PITPNC1: variants seen among roughly 807,000 people sequenced by gnomAD.
PITPNC1 encodes the protein phosphatidylinositol transfer protein cytoplasmic 1.
In PITPNC1, 18 loss-of-function variants were observed where a neutral mutation model predicts 44.7. The ratio of observed to expected loss-of-function variants is 0.40; its 90% CI spans 0.28 to 0.60. The LOEUF (loss-of-function observed/expected upper bound fraction) is 0.60, where lower values mean the gene tolerates loss of function less well. Among genes scored for constraint, PITPNC1 ranks in the 20% least tolerant of loss-of-function variants. PITPNC1 has a pLI of 0.39. For missense variants in PITPNC1, 290 were observed against 418.4 expected, an observed-to-expected ratio of 0.69 and a Z score of 2.68; for synonymous variants, 141 against 149.6, an observed-to-expected ratio of 0.94 and a Z score of 0.42.
At chr17:67,573,132 G>C (rs114318247) in intron 4 of PITPNC1, among the ~76,000 whole-genome samples, 2,111 of 152,338 alleles carry the variant, frequency 0.014, 44 homozygotes, top group African/African-American at 0.047. Context: ...CAGTCAGGGA[G>C]AACATTCGCG....
At chr17:67,395,406 C>T (rs1262411237) in intron 1 of PITPNC1, among the ~76,000 whole-genome samples, 1 of 152,096 alleles carries the variant, frequency 6.6e-6, no homozygotes, top group African/African-American at 2.4e-5. Flanking sequence ...GTCTTGGCCT[C>T]CCAAAATGCT....
intron 1 of PITPNC1, among the ~76,000 whole-genome samples, chr17:67,447,967 A>G (rs1435666135): frequency 7.0e-6 from 1 of 142,676 alleles, no homozygotes; most frequent in East Asian, 2.1e-4. Flanking sequence ...TTTCTTTCAG[A>G]TGGGGTCTTG....
chr17:67,640,093 C>G (rs962685256), intron 6 of PITPNC1, among the ~76,000 whole-genome samples: 4 of 151,280 alleles, frequency 2.6e-5, no homozygotes, highest in Non-Finnish European at 5.9e-5. Flanking sequence ...TTTTTTTTCC[C>G]GTTTCCCTCA....
intron 6 of PITPNC1, among the ~76,000 whole-genome samples, chr17:67,665,315 A>T (rs1598956289): frequency 6.6e-6 from 1 of 151,530 alleles, no homozygotes; most frequent in African/African-American, 2.4e-5. Flanking sequence ...CTGGTCTTAA[A>T]CTCCTGGACT....
rs137895912 is a variant in PITPNC1 at position 67,478,314 on chromosome 17, G to A, written c.49-54488G>A. ...GTCTTTTGAAAAGAGATCTTTTTTA[G>A]TTCATTTCTTAAAATCCAGTGCTAT... On this transcript the variant is annotated intron_variant, in intron 1 of 8. Coordinates refer to ENST00000581322, the MANE Select transcript of PITPNC1 (RefSeq NM_012417.4). 2.8e-3 allele frequency among the ~76,000 whole-genome samples: 433 copies of A among 152,170 alleles called. 2 individuals carry two copies. The highest frequency in any genetic ancestry group is 9.9e-3 in the African/African-American group (412 of 41,526).
chr17:67,636,116 G>A (rs982510817), intron 6 of PITPNC1, among the ~76,000 whole-genome samples: 2 of 152,002 alleles, frequency 1.3e-5, no homozygotes, highest in Admixed American at 1.3e-4. Flanking sequence ...GGCCAACATG[G>A]TGAAACCTCG....
At chr17:67,602,333 T>C (rs1444032389) in intron 5 of PITPNC1, among the ~76,000 whole-genome samples, 2 of 151,634 alleles carry the variant, frequency 1.3e-5, no homozygotes, top group Admixed American at 6.6e-5. Context: ...AGAATACAGG[T>C]TGGGGTTGGA....
intron 1 of PITPNC1, among the ~76,000 whole-genome samples, chr17:67,401,717 G>A (rs1399751994): frequency 1.3e-5 from 2 of 151,908 alleles, no homozygotes; most frequent in South Asian, 2.1e-4. Context: ...GGTGGTGGGC[G>A]CCTGTAATCC....
At chr17:67,420,560 C>T (rs1015091864) in intron 1 of PITPNC1, among the ~76,000 whole-genome samples, 7 of 151,854 alleles carry the variant, frequency 4.6e-5, no homozygotes, top group Non-Finnish European at 1.0e-4. Flanking sequence ...CCCTCCTAAG[C>T]AGCTGGGATT....
chr17:67,381,470 T>C (rs77812185), intron 1 of PITPNC1, among the ~76,000 whole-genome samples: 180 of 141,136 alleles, frequency 1.3e-3, no homozygotes, highest in South Asian at 9.0e-3. Context: ...TTCTCTCTCT[T>C]TTTTTTTTTT....
At chr17:67,490,730 A>C (rs2039853428) in intron 1 of PITPNC1, among the ~76,000 whole-genome samples, 1 of 152,182 alleles carries the variant, frequency 6.6e-6, no homozygotes, top group African/African-American at 2.4e-5. Flanking sequence ...CCAGGGAGAA[A>C]TGAGTTGGGG....
intron 1 of PITPNC1, among the ~76,000 whole-genome samples, chr17:67,482,850 CCTGCTT>C (rs1377191072): frequency 6.6e-6 from 1 of 152,138 alleles, no homozygotes; most frequent in African/African-American, 2.4e-5. Flanking sequence ...GAACCAGTTG[CCTGCTT>C]TGACAGATGA....
At chr17:67,619,203 T>G (rs1246533590) in intron 5 of PITPNC1, among the ~76,000 whole-genome samples, 1 of 152,216 alleles carries the variant, frequency 6.6e-6, no homozygotes, top group Admixed American at 6.5e-5. Context: ...TTGAACAGTT[T>G]AGGAGTCCAC....
chr17:67,547,893 T>C (rs536424663), intron 2 of PITPNC1, among the ~76,000 whole-genome samples: 1 of 152,328 alleles, frequency 6.6e-6, no homozygotes, highest in South Asian at 2.1e-4. Flanking sequence ...ACATGAGAGA[T>C]GATCTGCCAG....
Position 67,528,042 on chromosome 17 carries a change from T to C in PITPNC1, c.49-4760T>C, listed in dbSNP as rs143942932. 2.6e-3 allele frequency among the ~76,000 whole-genome samples: 394 copies of C among 152,102 alleles called. 6 individuals carry two copies. Among genetic ancestry groups the C allele is most frequent in the African/African-American group, 9.2e-3 (383 of 41,496 alleles). On this transcript the variant is annotated intron_variant, in intron 1 of 8. Coordinates refer to ENST00000581322, the MANE Select transcript of PITPNC1 (RefSeq NM_012417.4). ...TATTTATTTTATTTACTTAGTTTGT[T>C]TTTGTTTTTGTTTTTTTGAGACAAA... is the stretch of plus-strand genomic sequence containing the variant.
chr17:67,426,565 A>G (rs2038768986), intron 1 of PITPNC1, among the ~76,000 whole-genome samples: 1 of 151,622 alleles, frequency 6.6e-6, no homozygotes, highest in Admixed American at 6.6e-5. Context: ...CAATGAGAAC[A>G]CATGGACACA....
intron 1 of PITPNC1, among the ~76,000 whole-genome samples, chr17:67,443,154 C>T (rs574674262): frequency 2.0e-5 from 3 of 152,184 alleles, no homozygotes; most frequent in African/African-American, 4.8e-5. Flanking sequence ...ACCAGGGCGC[C>T]TGCCCTGTCT....
intron 1 of PITPNC1, among the ~76,000 whole-genome samples, chr17:67,400,010 C>T (rs1472469644): frequency 6.6e-6 from 1 of 152,178 alleles, no homozygotes; most frequent in African/African-American, 2.4e-5. Flanking sequence ...TCATGCAATA[C>T]GGAGCCTACT....
rs925526403 is a variant in PITPNC1, at chr17:67,388,713, C to T, written c.48+10511C>T. ...TCGACTCACTGCAACCTCCACCTCT[C>T]GGGTTCAAGCAATCCTCCCGCCTCA... is the stretch of plus-strand genomic sequence containing the variant. On this transcript the variant is annotated intron_variant, in intron 1 of 8. Coordinates refer to ENST00000581322, the MANE Select transcript of PITPNC1 (RefSeq NM_012417.4). 5.3e-5 allele frequency among the ~76,000 whole-genome samples: 8 copies of T among 152,204 alleles called. No individual in the cohort carries two copies. In the East Asian group the frequency reaches 5.8e-4, roughly 11 times the overall value.
Sources: gnomAD v4.1 joint callset for allele counts (sites outside exome capture counted in the v4.1 genomes callset) on GRCh38, gnomAD v4.1.1 for gene constraint, MANE v1.5 for transcripts, NCBI Gene and HGNC (gene_info 2026-07-23, HGNC 2026-07-21) for gene names.